FHIT: variants seen among roughly 807,000 people sequenced by gnomAD.
FHIT encodes the protein fragile histidine triad diadenosine triphosphatase, also known as bis(5'-adenosyl)-triphosphatase.
In FHIT, 19 loss-of-function variants were observed where a neutral mutation model predicts 17.9. The observed-to-expected ratio is 1.06, with a 90% confidence interval of 0.74 to 1.56. The LOEUF (loss-of-function observed/expected upper bound fraction) is 1.56, where lower values mean the gene tolerates loss of function less well. Ranked by LOEUF, FHIT falls within the 40% of genes most tolerant of loss-of-function variation. The pLI, the probability that FHIT is intolerant of heterozygous loss-of-function variation, is 0.00. For synonymous variants in FHIT, 81 were observed against 69.7 expected (o/e 1.16, Z -0.81); for missense variants, 248 against 189.2 (o/e 1.31, Z -1.82).
chr3:59,842,879 G>A (rs1470645372), intron 8 of FHIT, among the ~76,000 whole-genome samples: 2 of 151,762 alleles, frequency 1.3e-5, no homozygotes, highest in Non-Finnish European at 2.9e-5. Flanking sequence ...CTATACTGAT[G>A]GTGTCTTTTG....
At chr3:60,966,549 A>G (rs1359182064) in intron 3 of FHIT, among the ~76,000 whole-genome samples, 2 of 152,206 alleles carry the variant, frequency 1.3e-5, no homozygotes, top group Admixed American at 6.5e-5. Context: ...CGCTGTTCCT[A>G]TTCAGCCATC....
At chr3:61,128,091 A>G (rs1035542609) in intron 2 of FHIT, among the ~76,000 whole-genome samples, 1 of 152,234 alleles carries the variant, frequency 6.6e-6, no homozygotes, top group Non-Finnish European at 1.5e-5. Flanking sequence ...GACAAGGTAC[A>G]ATGCCAGATA....
At position 60,426,768 on chromosome 3, in the gene FHIT, C is replaced by T. The variant is rs75862705; in HGVS notation, c.103+110092G>A. Among the ~76,000 whole-genome samples the T allele has an allele frequency of 1.4e-3, 214 of 152,240 alleles. 2 individuals are homozygous for T. In the East Asian group the frequency reaches 0.04, roughly 28 times the overall value. ...CTTCGAGAAGTAAGGACTGCTCTTC[C>T]TCATACCTACATCTCTTGGCATGCA... On this transcript the variant is annotated intron_variant, in intron 5 of 9. Transcript: ENST00000492590.
intron 5 of FHIT, among the ~76,000 whole-genome samples, chr3:60,132,482 T>C (rs1326116321): frequency 2.0e-5 from 3 of 152,200 alleles, no homozygotes; most frequent in Admixed American, 6.5e-5. Flanking sequence ...GTTAATGGTA[T>C]TGGCAAACAT....
At chr3:60,336,331 G>C (rs1036273794) in intron 5 of FHIT, among the ~76,000 whole-genome samples, 1 of 152,210 alleles carries the variant, frequency 6.6e-6, no homozygotes, top group Non-Finnish European at 1.5e-5. Context: ...TCTCAGACAG[G>C]TGAGCGCCAT....
intron 4 of FHIT, among the ~76,000 whole-genome samples, chr3:60,661,667 C>A (rs1270731099): frequency 1.3e-5 from 2 of 152,174 alleles, no homozygotes; most frequent in East Asian, 3.9e-4. Flanking sequence ...TACATTCCCA[C>A]CAGCAGTGTA....
At chr3:59,790,922 A>G (rs769172558) in intron 8 of FHIT, among the ~76,000 whole-genome samples, 1 of 152,146 alleles carries the variant, frequency 6.6e-6, no homozygotes, top group Non-Finnish European at 1.5e-5. Flanking sequence ...TTAGTAAAGC[A>G]GGACAAAACT....
At chr3:60,394,961 C>A (rs1396282693) in intron 5 of FHIT, among the ~76,000 whole-genome samples, 1 of 152,128 alleles carries the variant, frequency 6.6e-6, no homozygotes, top group Admixed American at 6.5e-5. Flanking sequence ...GGGAAAAGAG[C>A]TATACAGAAG....
intron 5 of FHIT, among the ~76,000 whole-genome samples, chr3:60,386,338 C>T (rs1191713816): frequency 6.6e-6 from 1 of 152,162 alleles, no homozygotes; most frequent in South Asian, 2.1e-4. Flanking sequence ...ACCTTTCCGG[C>T]AGCACATTTG....
At chr3:60,534,117 A>G (rs932445184) in intron 5 of FHIT, among the ~76,000 whole-genome samples, 12 of 152,204 alleles carry the variant, frequency 7.9e-5, no homozygotes, top group African/African-American at 2.7e-4. Context: ...CTGCAAGCAA[A>G]GGAGTACCTT....
At chr3:60,266,044 C>T (rs1398587038) in intron 5 of FHIT, among the ~76,000 whole-genome samples, 4 of 151,958 alleles carry the variant, frequency 2.6e-5, no homozygotes, top group Non-Finnish European at 5.9e-5. Context: ...AGCAATTCCA[C>T]TCCTAGTTAT....
chr3:60,201,520 A>G (rs1263180193), intron 5 of FHIT, among the ~76,000 whole-genome samples: 1 of 152,084 alleles, frequency 6.6e-6, no homozygotes, highest in Non-Finnish European at 1.5e-5. Flanking sequence ...GAAAAGAATC[A>G]TTTAACAACC....
In FHIT at chr3:59,817,562, T is replaced by TAAA. The variant is rs10691937; in HGVS notation, c.349-65244_349-65242dup. Among the ~76,000 whole-genome samples the TAAA allele has an allele frequency of 8.7e-3, 817 of 93,790 alleles. 20 individuals carry two copies. The highest frequency in any genetic ancestry group is 0.013 in the East Asian group (45 of 3,344). 61.5% of individuals were successfully genotyped at this position (93,790 alleles called of 152,430 possible). A position where few individuals can be genotyped will look rare whatever the true frequency, so the allele number is the denominator to read the frequency against. Reference sequence around the variant, plus strand: ...TGGGAGACAGAGCAACACCCGTCACTAAAAAAAAAAAAAAAAAAGAAAGAA... The same window carrying TAAA: ...TGGGAGACAGAGCAACACCCGTCACTAAAAAAAAAAAAAAAAAAAAAGAAAGAA... On this transcript the variant is annotated intron_variant, in intron 8 of 9. Coordinates refer to ENST00000492590, the MANE Select transcript of FHIT (RefSeq NM_002012.4).
At position 60,875,820 on chromosome 3, in the gene FHIT, T is replaced by C. The variant is rs370700233; in HGVS notation, c.-110-53809A>G. ...AAGTTAAGCAAATGGCCAAAAGTTA[T>C]GCAGGTAGTAAGTAGCAGACATAGA... On this transcript the variant is annotated intron_variant, in intron 3 of 9. Coordinates refer to ENST00000492590, the MANE Select transcript of FHIT (RefSeq NM_002012.4). Among the ~76,000 whole-genome samples the C allele has an allele frequency of 3.1e-3, 475 of 152,184 alleles. 3 individuals are homozygous for C. The highest frequency in any genetic ancestry group is 0.011 in the African/African-American group (448 of 41,554).
intron 5 of FHIT, among the ~76,000 whole-genome samples, chr3:60,136,687 C>T (rs181725355): frequency 7.9e-4 from 121 of 152,212 alleles, no homozygotes; most frequent in African/African-American, 2.7e-3. Flanking sequence ...TTCTATTACC[C>T]GCAGATGTAA....
chr3:60,580,155 T>C (rs2037705990), intron 4 of FHIT, among the ~76,000 whole-genome samples: 1 of 152,114 alleles, frequency 6.6e-6, no homozygotes, highest in African/African-American at 2.4e-5. Flanking sequence ...AATTTAAAAT[T>C]TCAAGCAAAA....
intron 4 of FHIT, among the ~76,000 whole-genome samples, chr3:60,597,548 A>T (rs546591606): frequency 1.2e-4 from 19 of 152,224 alleles, no homozygotes; most frequent in African/African-American, 4.3e-4. Flanking sequence ...ATGCAAAGAA[A>T]CCATCCAGCT....
chr3:61,158,825 A>G (rs2037607112), intron 2 of FHIT, among the ~76,000 whole-genome samples: 1 of 152,246 alleles, frequency 6.6e-6, no homozygotes, highest in Non-Finnish European at 1.5e-5. Context: ...AAACTATGTC[A>G]GGCAGGGGAA....
intron 3 of FHIT, among the ~76,000 whole-genome samples, chr3:60,833,373 C>T (rs1702403641): frequency 6.6e-6 from 1 of 152,172 alleles, no homozygotes; most frequent in African/African-American, 2.4e-5. Context: ...TTTCAATGTT[C>T]TTTTAATATT....
Sources: gnomAD v4.1 joint callset for allele counts (sites outside exome capture counted in the v4.1 genomes callset) on GRCh38, gnomAD v4.1.1 for gene constraint, MANE v1.5 for transcripts, NCBI Gene and HGNC (gene_info 2026-07-23, HGNC 2026-07-21) for gene names.